The following PUM1 variants were observed in gnomAD, a reference collection of about 807,000 sequenced individuals.
PUM1 encodes the protein pumilio homolog 1.
A neutral mutation model predicts 131.8 loss-of-function variants in PUM1; 13 were observed. The ratio of observed to expected loss-of-function variants is 0.10; its 90% CI spans 0.06 to 0.16. PUM1 has a LOEUF of 0.16. Ranked by LOEUF, PUM1 falls within the 10% of genes least tolerant of loss-of-function variation. The pLI, the probability that PUM1 is intolerant of heterozygous loss-of-function variation, is 1.00. For synonymous variants in PUM1, 509 were observed against 556.5 expected, an observed-to-expected ratio of 0.91 and a Z score of 1.20; for missense variants, 961 against 1,512.4, an observed-to-expected ratio of 0.64 and a Z score of 6.05.
At chr1:31,052,530 A>T (rs1221142230) in intron 2 of PUM1, among the ~76,000 whole-genome samples, 1 of 150,656 alleles carries the variant, frequency 6.6e-6, no homozygotes, top group Non-Finnish European at 1.5e-5. Context: ...TGCCCAGCTA[A>T]TTTTTTTCCT....
chr1:31,056,998 G>A (rs1644256429), intron 2 of PUM1, among the ~76,000 whole-genome samples: 1 of 152,042 alleles, frequency 6.6e-6, no homozygotes, highest in Admixed American at 6.6e-5. Context: ...TCACCATGTT[G>A]GTCAGGCTGG....
At chr1:30,979,926 G>A in intron 9 of PUM1, 136 bp downstream of exon 9, 1 of 623,458 alleles carries the variant, frequency 1.6e-6, no homozygotes, top group Non-Finnish European at 2.7e-6. Context: ...ATATTAAGCT[G>A]GCAGGTAGAT....
intron 10 of PUM1, among the ~76,000 whole-genome samples, chr1:30,974,173 G>A (rs932743118): frequency 1.1e-4 from 17 of 151,916 alleles, no homozygotes; most frequent in East Asian, 9.6e-4. Context: ...GCAGTTTACC[G>A]TCCTTTCTCA....
intron 10 of PUM1, among the ~76,000 whole-genome samples, chr1:30,972,288 G>A (rs1159448512): frequency 0.2 from 2 of 10 alleles, no homozygotes; most frequent in African/African-American, 0.5. Context: ...GAAGGGAAGG[G>A]GAGGGGAGGG....
intron 3 of PUM1, among the ~76,000 whole-genome samples, chr1:31,017,318 T>C (rs972180345): frequency 2.6e-5 from 4 of 152,032 alleles, no homozygotes; most frequent in Non-Finnish European, 5.9e-5. Context: ...CACAACCTAC[T>C]ACAGATGAAG....
intron 2 of PUM1, among the ~76,000 whole-genome samples, chr1:31,043,908 T>C (rs981169105): frequency 2.6e-5 from 4 of 152,158 alleles, no homozygotes; most frequent in South Asian, 2.1e-4. Flanking sequence ...GTGAAGAAAT[T>C]TGTTATTTTT....
chr1:31,059,587 A>G lies in PUM1; in HGVS notation c.-11-10T>C, dbSNP rs1486834247. 6.3e-7 allele frequency: 1 copy of G among 1,574,868 alleles called. No homozygotes were observed. Among genetic ancestry groups the G allele is most frequent in the Admixed American group, 1.9e-5 (1 of 52,222 alleles). ...CTCATTCCACCAACACCTAAGGACA[A>G]ACAGGTTACAAATATTTAATATTTC... On this transcript the variant is annotated splice_polypyrimidine_tract_variant and intron_variant, in intron 1 of 21. Transcript: ENST00000426105.
intron 3 of PUM1, among the ~76,000 whole-genome samples, chr1:31,020,078 T>A (rs1642966284): frequency 6.6e-6 from 1 of 152,182 alleles, no homozygotes; most frequent in Non-Finnish European, 1.5e-5. Flanking sequence ...CTTTCCCTTT[T>A]TGGAGTCCTC....
At chr1:30,998,485 T>C (rs1642065905) in intron 5 of PUM1, among the ~76,000 whole-genome samples, 1 of 151,900 alleles carries the variant, frequency 6.6e-6, no homozygotes, top group South Asian at 2.1e-4. Context: ...AAAAAAAGTT[T>C]TTAAAAAAAT....
intron 14 of PUM1, among the ~76,000 whole-genome samples, chr1:30,960,006 C>T (rs917269705): frequency 3.3e-5 from 5 of 151,920 alleles, no homozygotes; most frequent in Non-Finnish European, 7.4e-5. Context: ...ACTTTCTCAA[C>T]CTAATAAAGG....
intron 2 of PUM1, chr1:31,036,988 G>T (rs1643632791): frequency 1.7e-5 from 3 of 173,950 alleles, no homozygotes; most frequent in South Asian, 3.0e-4. Flanking sequence ...TTTCTTCCCT[G>T]AACACTGGCT....
intron 2 of PUM1, among the ~76,000 whole-genome samples, chr1:31,058,982 A>G (rs563343202): frequency 6.7e-6 from 1 of 149,716 alleles, no homozygotes; most frequent in African/African-American, 2.4e-5. Context: ...CTCTGTCTCA[A>G]ATGAATGAAT....
At chr1:30,950,463 T>C (rs1469654170) in intron 16 of PUM1, among the ~76,000 whole-genome samples, 1 of 152,238 alleles carries the variant, frequency 6.6e-6, no homozygotes, top group Non-Finnish European at 1.5e-5. Context: ...GTAACCCTTT[T>C]TAATGTTAAG....
At chr1:31,048,944 G>A (rs1557604720) in intron 2 of PUM1, among the ~76,000 whole-genome samples, 1 of 152,052 alleles carries the variant, frequency 6.6e-6, no homozygotes, top group Non-Finnish European at 1.5e-5. Context: ...AGTGGCTCAC[G>A]CCTGTAATCC....
At chr1:30,943,646 A>T (rs889378135) in intron 18 of PUM1, among the ~76,000 whole-genome samples, 6 of 152,212 alleles carry the variant, frequency 3.9e-5, no homozygotes, top group Admixed American at 3.3e-4. Flanking sequence ...AAACATGTCT[A>T]AAAGGTCTCA....
intron 3 of PUM1, among the ~76,000 whole-genome samples, chr1:31,026,204 C>T (rs1006028373): frequency 6.6e-6 from 1 of 150,788 alleles, no homozygotes; most frequent in Non-Finnish European, 1.5e-5. Context: ...TACAGTGAGC[C>T]GAGATTGTGC....
intron 3 of PUM1, among the ~76,000 whole-genome samples, chr1:31,017,511 C>T (rs907919218): frequency 4.6e-5 from 7 of 151,672 alleles, no homozygotes; most frequent in South Asian, 2.1e-4. Flanking sequence ...TTTTATTTTG[C>T]GATTTTTTTC....
intron 3 of PUM1, among the ~76,000 whole-genome samples, chr1:31,011,405 G>C (rs1367446251): frequency 1.3e-5 from 2 of 152,062 alleles, no homozygotes; most frequent in Non-Finnish European, 2.9e-5. Flanking sequence ...GTAAAAGACT[G>C]GCTTTTTTAA....
intron 1 of PUM1, among the ~76,000 whole-genome samples, chr1:31,063,279 C>T (rs1644407986): frequency 6.6e-6 from 1 of 152,128 alleles, no homozygotes; most frequent in Admixed American, 6.6e-5. Context: ...TCCTCTATGA[C>T]TCTCAATGTT....
Sources: allele counts gnomAD v4.1 joint callset (sites outside exome capture counted in the v4.1 genomes callset), GRCh38; gene constraint gnomAD v4.1.1; transcripts MANE v1.5; gene names NCBI Gene and HGNC (gene_info 2026-07-23, HGNC 2026-07-21).